The following USP50 variants were observed in gnomAD, a reference collection of about 807,000 sequenced individuals.
The protein encoded by USP50 is ubiquitin specific peptidase 50.
A neutral mutation model predicts 39.2 loss-of-function variants in USP50; 37 were observed. The observed-to-expected ratio is 0.94, with a 90% CI of 0.73 to 1.24. The LOEUF is 1.24. Ranked by LOEUF, USP50 falls within the 50% of genes most tolerant of loss-of-function variation. USP50 has a pLI of 0.00. For missense variants in USP50, 374 were observed against 398.2 expected, an observed-to-expected ratio of 0.94 and a Z score of 0.52; for synonymous variants, 139 against 144.5, an observed-to-expected ratio of 0.96 and a Z score of 0.27.
At chr15:50,512,756 C>G (rs2052754234) in intron 6 of USP50, 1 of 152,156 alleles carries the variant, frequency 6.6e-6, no homozygotes, top group Non-Finnish European at 1.5e-5. Flanking sequence ...CACACCACCG[C>G]ACTCCAGCCT....
In USP50 at chr15:50,541,261, G is replaced by T. The variant is rs762187424; in HGVS notation, c.448C>A (p.His150Asn). 9.3e-6 allele frequency: 15 copies of T among 1,612,046 alleles called. No homozygotes were observed. In the Admixed American group the frequency reaches 2.3e-4, roughly 25 times the overall value. The change falls in exon 4 of 7, where the codon CAC (histidine) becomes AAC (asparagine). Residue 150 changes from histidine (H) to asparagine (N), a missense_variant. Transcript: ENST00000532404. ...NELHEALKKY[H>N]YSRRRSYEKG... ...TCATATGATCTTCTCCGGGAGTAGT[G>T]GTACTGAATCAAGGAGCAAATTTCA...
chr15:50,544,649 G>C lies in USP50; in HGVS notation c.186C>G (p.Leu62=), dbSNP rs114737323. Reference sequence around the variant, plus strand: ...ATTCCACCAGCGGCAAGATGCTGCAGAGACACTGTGAGATGGCATTCACGC... The same window carrying C: ...ATTCCACCAGCGGCAAGATGCTGCACAGACACTGTGAGATGGCATTCACGC... The part of the protein sequence containing the change: ...TCCVNAISQC[L]CSILPLVEYF... The change falls in exon 2 of 7, where the codon CTC becomes CTG. Residue 62 remains leucine (L), a synonymous_variant. Transcript: ENST00000532404. 8,906 of 1,613,874 alleles carry C rather than the reference G, an allele frequency of 5.5e-3. 431 individuals carry two copies. The African/African-American group carries it at 0.11, about 20-fold the overall frequency.
At chr15:50,494,894 A>G (rs1440202587) in intron 1 of USP50, among the ~76,000 whole-genome samples, 4 of 152,132 alleles carry the variant, frequency 2.6e-5, no homozygotes, top group Non-Finnish European at 5.9e-5. Context: ...ATGTGCCTGT[A>G]ATCCCAGCTA....
At chr15:50,527,236 G>A (rs896106592) in intron 6 of USP50, among the ~76,000 whole-genome samples, 3 of 152,114 alleles carry the variant, frequency 2.0e-5, no homozygotes, top group African/African-American at 7.2e-5. Flanking sequence ...ACGGAGTCTC[G>A]TTCTGTCATC....
chr15:50,525,307 T>C (rs2052879503), intron 6 of USP50, among the ~76,000 whole-genome samples: 2 of 152,014 alleles, frequency 1.3e-5, no homozygotes, highest in African/African-American at 2.4e-5. Context: ...GGGTATAAAG[T>C]TTCAGTGAGG....
intron 6 of USP50, among the ~76,000 whole-genome samples, chr15:50,525,616 A>G (rs866752059): frequency 3.7e-5 from 5 of 136,060 alleles, no homozygotes; most frequent in African/African-American, 1.4e-4. Flanking sequence ...GTATATATGT[A>G]TATATGTATA....
At chr15:50,496,141 G>A (rs754041563), downstream of USP50, 22 of 1,345,340 alleles carry the variant, frequency 1.6e-5, no homozygotes, top group Admixed American at 2.1e-5. Flanking sequence ...TGTTTTTATG[G>A]ATATAGAGAT....
intron 6 of USP50, among the ~76,000 whole-genome samples, chr15:50,520,762 A>G (rs1386166829): frequency 6.6e-6 from 1 of 152,174 alleles, no homozygotes; most frequent in African/African-American, 2.4e-5. Flanking sequence ...TCTCACTCAT[A>G]TGTGAGGCCT....
chr15:50,523,868 G>A (rs2052869300), intron 6 of USP50, among the ~76,000 whole-genome samples: 3 of 152,168 alleles, frequency 2.0e-5, no homozygotes, highest in Admixed American at 1.3e-4. Flanking sequence ...CGCACTCCCT[G>A]ATTTCAAAAT....
intron 6 of USP50, chr15:50,512,313 G>C (rs1334126210): frequency 6.6e-6 from 1 of 151,064 alleles, no homozygotes; most frequent in Non-Finnish European, 1.5e-5. Flanking sequence ...GGGCAACAGA[G>C]CAAGACTCTG....
chr15:50,495,890 C>T (rs1412306898), downstream of USP50: 7 of 1,613,756 alleles, frequency 4.3e-6, no homozygotes, highest in South Asian at 1.1e-5. Flanking sequence ...TAATGATCAT[C>T]TCGATGACTT....
At chr15:50,504,072 T>A (rs2052625856) in intron 6 of USP50, 1 of 152,120 alleles carries the variant, frequency 6.6e-6, no homozygotes, top group Non-Finnish European at 1.5e-5. Context: ...TCAACTAATG[T>A]GATGGGAAAG....
At chr15:50,498,868 T>G, downstream of USP50, 5 of 1,565,650 alleles carry the variant, frequency 3.2e-6, no homozygotes, top group Non-Finnish European at 4.3e-6. Context: ...CAATTTTAAC[T>G]GAATTGATTT....
chr15:50,499,643 A>G (rs1480573863), downstream of USP50: 1 of 152,174 alleles, frequency 6.6e-6, no homozygotes, highest in African/African-American at 2.4e-5. Flanking sequence ...TGACAGGGCA[A>G]AGCAATTTTT....
chr15:50,523,232 G>C (rs1183470609), intron 6 of USP50, among the ~76,000 whole-genome samples: 6 of 137,094 alleles, frequency 4.4e-5, no homozygotes, highest in African/African-American at 1.6e-4. Context: ...AGGCTGGAGT[G>C]CAGTGGCAAA....
chr15:50,509,183 G>T (rs2052705911), intron 6 of USP50: 1 of 149,480 alleles, frequency 6.7e-6, no homozygotes, highest in Non-Finnish European at 1.5e-5. Context: ...GCTGGACATG[G>T]TGTTGTGCCT....
Position 50,542,419 on chromosome 15 carries a change from C to T in USP50, c.445-1155G>A, listed in dbSNP as rs551384884. On this transcript the variant is annotated intron_variant, in intron 3 of 6. Transcript: ENST00000532404. ...GGACATAAGTGATTTTTACTGCCCACTCACCTCTTTTCTTAAAAAAGTGCT... is the reference window on the plus strand; with the variant it reads ...GGACATAAGTGATTTTTACTGCCCATTCACCTCTTTTCTTAAAAAAGTGCT... Among the ~76,000 whole-genome samples the T allele has an allele frequency of 3.4e-5, 5 of 149,166 alleles. No individual in the cohort carries two copies. The South Asian group carries it at 1.1e-3, about 32-fold the overall frequency.
chr15:50,530,026 A>ACCG, intron 5 of USP50, 97 bp from the exon 6 acceptor site: 7 of 1,475,760 alleles, frequency 4.7e-6, no homozygotes, highest in Admixed American at 1.8e-5. Context: ...TAATTTCTTG[A>ACCG]CTGGGCACAG....
intron 5 of USP50, among the ~76,000 whole-genome samples, chr15:50,531,513 TCAA>T (rs3985826): frequency 0.075 from 11,381 of 152,188 alleles, 540 homozygotes; most frequent in South Asian, 0.12. Context: ...GGAAATCAGA[TCAA>T]CAATTTCTAT....
Sources: allele counts gnomAD v4.1 joint callset (sites outside exome capture counted in the v4.1 genomes callset), GRCh38; gene constraint gnomAD v4.1.1; transcripts MANE v1.5; gene names NCBI Gene and HGNC (gene_info 2026-07-23, HGNC 2026-07-21).